Variants in DACH1 observed in about 807,000 individuals in gnomAD.
DACH1 encodes dachshund homolog 1.
In DACH1, 12 loss-of-function variants were observed where a neutral mutation model predicts 54.2. The ratio of observed to expected loss-of-function variants is 0.22; its 90% CI spans 0.14 to 0.36. DACH1 has a LOEUF of 0.36. Among genes scored for constraint, DACH1 ranks in the 10% least tolerant of loss-of-function variants. DACH1 has a pLI of 1.00. For missense variants in DACH1, 805 were observed against 929.8 expected, an observed-to-expected ratio of 0.87 and a Z score of 1.75; for synonymous variants, 386 against 366.2, an observed-to-expected ratio of 1.05 and a Z score of -0.62.
chr13:71,777,110 A>G (rs1046247074), intron 1 of DACH1, among the ~76,000 whole-genome samples: 12 of 152,202 alleles, frequency 7.9e-5, no homozygotes, highest in Non-Finnish European at 1.5e-4. Context: ...GTTTACAACA[A>G]TCACCCTCTT....
rs1009235529 is a variant in DACH1 at position 71,857,302 on chromosome 13, TTC to T, written c.848+8618_848+8619del. Reference sequence around the variant, plus strand: ...ACTACTTCTTTAACTCTAAAATTAATTCTTTTTTTCTGTTGTATTTCAGTAAA... The same window carrying T: ...ACTACTTCTTTAACTCTAAAATTAATTTTTTTTCTGTTGTATTTCAGTAAA... On this transcript the variant is annotated intron_variant, in intron 1 of 10. Coordinates refer to ENST00000613252, the MANE Select transcript of DACH1 (RefSeq NM_080759.6). Among the ~76,000 whole-genome samples the T allele has an allele frequency of 1.8e-3, 271 of 151,852 alleles. 1 individual carries two copies. Among genetic ancestry groups the T allele is most frequent in the African/African-American group, 6.4e-3 (265 of 41,500 alleles).
intron 1 of DACH1, among the ~76,000 whole-genome samples, chr13:71,840,189 C>T (rs948484999): frequency 6.6e-6 from 1 of 152,146 alleles, no homozygotes; most frequent in Non-Finnish European, 1.5e-5. Context: ...CTCAAGTGAT[C>T]TGTCCACCTC....
rs117348777 is a variant in DACH1 at position 71,727,663 on chromosome 13, A to G, written c.849-45753T>C. Among the ~76,000 whole-genome samples the G allele has an allele frequency of 4.6e-3, 696 of 152,214 alleles. 4 individuals carry two copies. Among genetic ancestry groups the G allele is most frequent in the Non-Finnish European group, 7.6e-3 (515 of 67,934 alleles). On this transcript the variant is annotated intron_variant, in intron 1 of 10. Coordinates refer to ENST00000613252, the MANE Select transcript of DACH1 (RefSeq NM_080759.6). ...AATGAGGACATGGAAAAGGAAGAGAATGTTGCTGTGGAATGTAGTTGGCAC... is the reference window on the plus strand; with the variant it reads ...AATGAGGACATGGAAAAGGAAGAGAGTGTTGCTGTGGAATGTAGTTGGCAC...
At chr13:71,806,049 C>T (rs547898261) in intron 1 of DACH1, among the ~76,000 whole-genome samples, 6 of 152,224 alleles carry the variant, frequency 3.9e-5, no homozygotes, top group Middle Eastern at 3.4e-3. Flanking sequence ...TCAGGTGATC[C>T]GCCCACCTCA....
chr13:71,700,714 A>T (rs1455627857), intron 1 of DACH1, among the ~76,000 whole-genome samples: 8 of 152,138 alleles, frequency 5.3e-5, no homozygotes, highest in Non-Finnish European at 1.0e-4. Context: ...GAATGCACAG[A>T]TATAGTAATA....
chr13:71,544,637 AT>A (rs1480397069), intron 6 of DACH1, among the ~76,000 whole-genome samples: 3 of 152,144 alleles, frequency 2.0e-5, no homozygotes, highest in African/African-American at 7.2e-5. Context: ...TCTAAATGCT[AT>A]CACTTATATT....
intron 1 of DACH1, among the ~76,000 whole-genome samples, chr13:71,794,391 G>A (rs1886957743): frequency 6.6e-6 from 1 of 152,076 alleles, no homozygotes; most frequent in Non-Finnish European, 1.5e-5. Context: ...TGGTTGCATT[G>A]GTTTGCTTAC....
At position 71,483,376 on chromosome 13, in the gene DACH1, T is replaced by A. The variant is rs535601323; in HGVS notation, c.1723-4060A>T. ...ATATAATTATATATTATAATTAAAT[T>A]ATGTATCAATAATTAAATTATGATT... On this transcript the variant is annotated intron_variant, in intron 7 of 10. Coordinates refer to ENST00000613252, the MANE Select transcript of DACH1 (RefSeq NM_080759.6). 2.2e-4 allele frequency among the ~76,000 whole-genome samples: 32 copies of A among 146,962 alleles called. 2 individuals are homozygous for A. In the South Asian group the frequency reaches 6.5e-3, roughly 30 times the overall value.
At chr13:71,865,435 G>T (rs1874667431) in intron 1 of DACH1, among the ~76,000 whole-genome samples, 1 of 152,224 alleles carries the variant, frequency 6.6e-6, no homozygotes, top group African/African-American at 2.4e-5. Flanking sequence ...AGCAGGTCAC[G>T]ACCTCCCCCC....
At chr13:71,609,286 T>C (rs1209557689) in intron 3 of DACH1, among the ~76,000 whole-genome samples, 1 of 152,122 alleles carries the variant, frequency 6.6e-6, no homozygotes, top group African/African-American at 2.4e-5. Context: ...TTTGTGACCA[T>C]ACGAAGTCAC....
intron 1 of DACH1, among the ~76,000 whole-genome samples, chr13:71,697,429 G>A (rs766014597): frequency 7.9e-5 from 12 of 152,074 alleles, no homozygotes; most frequent in Non-Finnish European, 1.8e-4. Flanking sequence ...TTGAGTTAGT[G>A]CCTTCTTTGC....
chr13:71,497,463 C>T (rs1033734922), intron 6 of DACH1, among the ~76,000 whole-genome samples: 6 of 151,866 alleles, frequency 4.0e-5, no homozygotes, highest in African/African-American at 1.5e-4. Flanking sequence ...TCCCGAGTAG[C>T]TGGGGTTACA....
rs1023799864 is a variant in DACH1, at chr13:71,731,856, T to C, written c.849-49946A>G. Among the ~76,000 whole-genome samples, 12 of 152,240 alleles carry C rather than the reference T, an allele frequency of 7.9e-5. 1 individual carries two copies. The highest frequency in any genetic ancestry group is 7.3e-5 in the Non-Finnish European group (5 of 68,040). On this transcript the variant is annotated intron_variant, in intron 1 of 10. Coordinates refer to ENST00000613252, the MANE Select transcript of DACH1 (RefSeq NM_080759.6). ...TATTTTAAGGATCCAATGGAATAACTAGTTTTATAGTTCCAAGGGTTCTTC... is the reference window on the plus strand; with the variant it reads ...TATTTTAAGGATCCAATGGAATAACCAGTTTTATAGTTCCAAGGGTTCTTC...
intron 1 of DACH1, among the ~76,000 whole-genome samples, chr13:71,820,136 G>A (rs1888129013): frequency 6.8e-6 from 1 of 148,062 alleles, no homozygotes; most frequent in African/African-American, 2.5e-5. Context: ...AAAGAATAGG[G>A]GCCGAAATTA....
At chr13:71,838,361 T>G (rs2138227649) in intron 1 of DACH1, among the ~76,000 whole-genome samples, 1 of 152,322 alleles carries the variant, frequency 6.6e-6, no homozygotes, top group African/African-American at 2.4e-5. Context: ...CCAGTAGATG[T>G]AACTGTCATA....
intron 6 of DACH1, among the ~76,000 whole-genome samples, chr13:71,515,039 A>T (rs749635326): frequency 2.0e-5 from 3 of 151,898 alleles, no homozygotes; most frequent in Non-Finnish European, 4.4e-5. Flanking sequence ...CACAATGCAC[A>T]TATACTAGTA....
intron 6 of DACH1, among the ~76,000 whole-genome samples, chr13:71,506,189 GGTTA>G (rs1287210662): frequency 2.0e-5 from 3 of 151,262 alleles, no homozygotes; most frequent in Non-Finnish European, 4.4e-5. Context: ...ACATTGTGCA[GGTTA>G]GTTACATATG....
chr13:71,841,690 C>T (rs1872867007), intron 1 of DACH1, among the ~76,000 whole-genome samples: 1 of 152,112 alleles, frequency 6.6e-6, no homozygotes, highest in African/African-American at 2.4e-5. Flanking sequence ...CCAAGGAGGA[C>T]CAAACTGCCT....
At chr13:71,580,811 C>T (rs1347659474) in intron 3 of DACH1, among the ~76,000 whole-genome samples, 4 of 152,112 alleles carry the variant, frequency 2.6e-5, no homozygotes, top group South Asian at 2.1e-4. Flanking sequence ...GCACCAGCAG[C>T]GCCCAACTCC....
Sources: allele counts gnomAD v4.1 joint callset (sites outside exome capture counted in the v4.1 genomes callset), GRCh38; gene constraint gnomAD v4.1.1; transcripts MANE v1.5; gene names NCBI Gene and HGNC (gene_info 2026-07-23, HGNC 2026-07-21).